PIK3R3: variants seen among roughly 807,000 people sequenced by gnomAD.
The protein encoded by PIK3R3 is phosphatidylinositol 3-kinase regulatory subunit gamma.
PIK3R3 carries 64 observed loss-of-function variants against 62.9 expected under a neutral mutation model. The observed-to-expected ratio is 1.02, with a 90% CI of 0.83 to 1.25. The LOEUF (loss-of-function observed/expected upper bound fraction) is 1.25, where lower values mean the gene tolerates loss of function less well. Ranked by LOEUF, PIK3R3 falls within the 50% of genes most tolerant of loss-of-function variation. The probability of loss-of-function intolerance (pLI) is 0.00; values close to 1 mark genes in which losing one functional copy is unlikely to be tolerated. For synonymous variants in PIK3R3, 165 were observed against 189.0 expected (o/e 0.87, Z 1.04); for missense variants, 614 against 561.6 (o/e 1.09, Z -0.94).
intron 1 of PIK3R3, among the ~76,000 whole-genome samples, chr1:46,128,479 C>T (rs1025720572): frequency 1.3e-5 from 2 of 151,978 alleles, no homozygotes; most frequent in Non-Finnish European, 2.9e-5. Context: ...AATATTGGCA[C>T]CATTACAGTT....
At chr1:46,065,312 C>T (rs562187777) in intron 5 of PIK3R3, among the ~76,000 whole-genome samples, 4 of 152,250 alleles carry the variant, frequency 2.6e-5, no homozygotes, top group East Asian at 1.9e-4. Flanking sequence ...AGGAAAGAAA[C>T]TAGATTATTC....
chr1:46,061,925 T>C lies in PIK3R3; in HGVS notation c.764+4A>G. 6.2e-7 allele frequency: 1 copy of C among 1,612,340 alleles called. No individual in the cohort carries two copies. The highest frequency in any genetic ancestry group is 8.5e-7 in the Non-Finnish European group (1 of 1,178,516). On this transcript the variant is annotated splice_donor_region_variant and intron_variant, in intron 6 of 9. Coordinates refer to ENST00000262741, the MANE Select transcript of PIK3R3 (RefSeq NM_003629.4). ...ATGCCCTTGGAGGTACTAAGTAGAC[T>C]TACCGTTCAATCTCCTTTTCATTCC...
chr1:46,092,386 C>T (rs1024431939), intron 1 of PIK3R3, among the ~76,000 whole-genome samples: 1 of 152,012 alleles, frequency 6.6e-6, no homozygotes, highest in African/African-American at 2.4e-5. Context: ...GTTTTTGAGA[C>T]GGAGTCTCGC....
chr1:46,125,534 A>G (rs1302089964), intron 1 of PIK3R3, among the ~76,000 whole-genome samples: 1 of 152,218 alleles, frequency 6.6e-6, no homozygotes, highest in South Asian at 2.1e-4. Context: ...CTCTCAGCAG[A>G]TATTTTCCCC....
At chr1:46,117,297 G>A (rs950927522) in intron 1 of PIK3R3, among the ~76,000 whole-genome samples, 1 of 152,074 alleles carries the variant, frequency 6.6e-6, no homozygotes, top group South Asian at 2.1e-4. Context: ...GCTAGGTATG[G>A]TGGCACGCAC....
At chr1:46,105,595 C>T (rs1457715329) in intron 1 of PIK3R3, among the ~76,000 whole-genome samples, 1 of 152,032 alleles carries the variant, frequency 6.6e-6, no homozygotes, top group African/African-American at 2.4e-5. Flanking sequence ...GCAGGTGGAT[C>T]ACCTGAGGTC....
intron 3 of PIK3R3, among the ~76,000 whole-genome samples, chr1:46,069,578 T>C (rs1019413082): frequency 6.6e-6 from 1 of 151,448 alleles, no homozygotes; most frequent in South Asian, 2.1e-4. Flanking sequence ...ACACTTTAAG[T>C]TTGAGATGCC....
Position 46,087,314 on chromosome 1 carries a change from T to TA in PIK3R3, c.107-6565dup, listed in dbSNP as rs112363497. ...ATGCTCAGTGCTGTGTTTTAGAATG[T>TA]AAAAAAAAAAAGAAAGAAAAAAGAA... On this transcript the variant is annotated intron_variant, in intron 1 of 9. Coordinates refer to ENST00000262741, the MANE Select transcript of PIK3R3 (RefSeq NM_003629.4). 3.0e-3 allele frequency among the ~76,000 whole-genome samples: 416 copies of TA among 139,758 alleles called. 1 individual carries two copies. Among genetic ancestry groups the TA allele is most frequent in the Non-Finnish European group, 3.8e-3 (242 of 63,652 alleles). 91.7% of individuals were successfully genotyped at this position (139,758 alleles called of 152,430 possible).
Position 46,087,919 on chromosome 1 carries a change from A to G in PIK3R3, c.107-7169T>C, listed in dbSNP as rs1651242988. Reference sequence around the variant, plus strand: ...ACTAAAGTGTCAAATCCGTAGAGACAGAAAGTAGAATGCTGTTGGCCAAGG... The same window carrying G: ...ACTAAAGTGTCAAATCCGTAGAGACGGAAAGTAGAATGCTGTTGGCCAAGG... On this transcript the variant is annotated intron_variant, in intron 1 of 9. Transcript: ENST00000262741. Among the ~76,000 whole-genome samples, 3 of 152,360 alleles carry G rather than the reference A, an allele frequency of 2.0e-5. No individual in the cohort carries two copies. In the South Asian group the frequency reaches 6.2e-4, roughly 32 times the overall value.
chr1:46,168,110 C>T, the PIK3R3 span, among the ~76,000 whole-genome samples: 1 of 152,078 alleles, frequency 6.6e-6, no homozygotes, highest in Non-Finnish European at 1.5e-5. Flanking sequence ...TAGATCACAC[C>T]ACTGCACTCC....
At chr1:46,160,901 G>A in the PIK3R3 span, among the ~76,000 whole-genome samples, 2,887 of 152,232 alleles carry the variant, frequency 0.019, 87 homozygotes, top group African/African-American at 0.063. Flanking sequence ...TGGGGAGACC[G>A]TAACCAAAAG....
intron 1 of PIK3R3, among the ~76,000 whole-genome samples, chr1:46,122,865 T>G (rs917539347): frequency 9.9e-5 from 15 of 152,088 alleles, no homozygotes; most frequent in African/African-American, 3.6e-4. Context: ...AGTCACAAAA[T>G]GAAGCTAGTT....
intron 1 of PIK3R3, among the ~76,000 whole-genome samples, chr1:46,100,233 T>A (rs1230023631): frequency 2.0e-5 from 3 of 152,216 alleles, no homozygotes; most frequent in Non-Finnish European, 2.9e-5. Context: ...CCTGCCCTAG[T>A]ATCATAAAAA....
chr1:46,055,822 AG>A lies in PIK3R3; in HGVS notation c.913del (p.Leu305CysfsTer17). 1 of 1,405,872 alleles carries A rather than the reference AG, an allele frequency of 7.1e-7. No homozygotes were observed. The highest frequency in any genetic ancestry group is 9.3e-7 in the Non-Finnish European group (1 of 1,071,342). The allele number at this position is 1,405,872 out of a possible 1,614,324, so 87.1% of individuals were successfully genotyped here. ...MNSIKPDLIQ[L>X]RKIRDQHLVW... ...AAGGTGTTGATCTCGGATCTTTCGC[AG>A]CTGGATCAGGTCAGGTTTGATGCTA... On this transcript the variant is annotated frameshift_variant, in exon 7 of 10. Coordinates refer to ENST00000262741, the MANE Select transcript of PIK3R3 (RefSeq NM_003629.4). LOFTEE classifies it high-confidence loss of function.
intron 1 of PIK3R3, among the ~76,000 whole-genome samples, chr1:46,107,389 AT>A (rs1219214340): frequency 1.3e-5 from 2 of 151,282 alleles, no homozygotes; most frequent in African/African-American, 2.4e-5. Context: ...AAGACTTTTT[AT>A]CTAAGCAAAG....
intron 3 of PIK3R3, among the ~76,000 whole-genome samples, chr1:46,075,526 G>A (rs1336028008): frequency 6.6e-6 from 1 of 152,142 alleles, no homozygotes; most frequent in Non-Finnish European, 1.5e-5. Context: ...GGAGGCTGAG[G>A]TAGGAGGATC....
At chr1:46,137,768 C>T (rs150978031), upstream of PIK3R3, among the ~76,000 whole-genome samples, 6 of 152,214 alleles carry the variant, frequency 3.9e-5, no homozygotes, top group Non-Finnish European at 5.9e-5. Flanking sequence ...CAAGGCCTGG[C>T]ACACAGTGGG....
chr1:46,133,535 G>A (rs1233220517), upstream of PIK3R3, among the ~76,000 whole-genome samples: 1 of 152,128 alleles, frequency 6.6e-6, no homozygotes, highest in Non-Finnish European at 1.5e-5. Flanking sequence ...AGCCCTCTCC[G>A]CACCCTTGAC....
the PIK3R3 span, among the ~76,000 whole-genome samples, chr1:46,139,774 G>A: frequency 6.6e-6 from 1 of 152,148 alleles, no homozygotes; most frequent in Non-Finnish European, 1.5e-5. Context: ...CACTGATTCT[G>A]TTCTTGCAGC....
Sources: gnomAD v4.1 joint callset for allele counts (sites outside exome capture counted in the v4.1 genomes callset) on GRCh38, gnomAD v4.1.1 for gene constraint, MANE v1.5 for transcripts, NCBI Gene and HGNC (gene_info 2026-07-23, HGNC 2026-07-21) for gene names.